Variants in CFAP47 observed in about 807,000 individuals in gnomAD.
The protein encoded by CFAP47 is cilia- and flagella-associated protein 47.
Under a neutral mutation model 148.1 loss-of-function variants are expected in CFAP47, and 29 were observed. The ratio of observed to expected loss-of-function variants is 0.20; its 90% CI spans 0.15 to 0.27. CFAP47 has a LOEUF of 0.27. CFAP47 is among the 10% of genes least tolerant of loss of function. CFAP47 has a pLI of 1.00. For synonymous variants in CFAP47, 664 were observed against 577.3 expected (o/e 1.15, Z -2.15); for missense variants, 1,872 against 1,697.5 (o/e 1.10, Z -1.81).
In CFAP47 at chrX:36,385,264, T is replaced by C; in HGVS notation, c.*258T>C. 1.1e-5 allele frequency: 3 copies of C among 278,625 alleles called. No homozygotes were observed. Among genetic ancestry groups the C allele is most frequent in the Non-Finnish European group, 1.9e-5 (3 of 159,319 alleles). The allele number at this position is 278,625 out of a possible 1,213,427, so 23.0% of individuals were successfully genotyped here. A position where few individuals can be genotyped will look rare whatever the true frequency, so the allele number is the denominator to read the frequency against. On this transcript the variant is annotated 3_prime_UTR_variant, in exon 64 of 64. Transcript: ENST00000378653. ...GTGGTAAAACGAAATATAATTTAAA[T>C]GACAACAGTATTTCCAATAACAGCG... is the stretch of plus-strand genomic sequence containing the variant.
At chrX:36,378,789 C>T (rs925546946) in intron 62 of CFAP47, among the ~76,000 whole-genome samples, 1 of 109,373 alleles carries the variant, frequency 9.1e-6, no homozygotes, top group African/African-American at 3.3e-5. Flanking sequence ...GAACCACCCG[C>T]CTTGGCCTCC....
chrX:36,005,753 T>G (rs1569230488), intron 21 of CFAP47, among the ~76,000 whole-genome samples: 1 of 111,921 alleles, frequency 8.9e-6, no homozygotes. Flanking sequence ...TTTTTTCAAA[T>G]TTGTATTCTT....
intron 25 of CFAP47, 76 bp from the exon 26 acceptor site, chrX:36,046,778 A>G (rs932110689): frequency 7.7e-6 from 5 of 646,027 alleles, no homozygotes; most frequent in Non-Finnish European, 1.1e-5. Flanking sequence ...AGGATTCAAA[A>G]AAATGAAATA....
intron 57 of CFAP47, among the ~76,000 whole-genome samples, chrX:36,321,025 A>T (rs1556011908): frequency 8.9e-6 from 1 of 111,931 alleles, no homozygotes; most frequent in Non-Finnish European, 1.9e-5. Flanking sequence ...TCCCACTGCT[A>T]GGTATATAAC....
At chrX:36,360,935 A>G (rs1556019122) in intron 60 of CFAP47, among the ~76,000 whole-genome samples, 2 of 112,014 alleles carry the variant, frequency 1.8e-5, no homozygotes, top group African/African-American at 6.5e-5. Flanking sequence ...GCAAGTTTTA[A>G]ATGACTTCTT....
At chrX:36,339,403 A>T (rs1209332823) in intron 57 of CFAP47, among the ~76,000 whole-genome samples, 1 of 111,948 alleles carries the variant, frequency 8.9e-6, no homozygotes, top group Non-Finnish European at 1.9e-5. Flanking sequence ...ATTTTATCTT[A>T]AAATTATCTG....
chrX:36,255,334 A>G (rs982211015), intron 49 of CFAP47, among the ~76,000 whole-genome samples: 22 of 112,447 alleles, frequency 2.0e-4, no homozygotes, highest in Non-Finnish European at 3.4e-4. Context: ...TTGTGGGAAA[A>G]AAAGGTAAGA....
At chrX:36,342,987 G>T (rs1024420726) in intron 57 of CFAP47, among the ~76,000 whole-genome samples, 2 of 110,557 alleles carry the variant, frequency 1.8e-5, no homozygotes, top group Non-Finnish European at 3.8e-5. Context: ...GACAGGCCCT[G>T]GTGTGTGATG....
intron 42 of CFAP47, among the ~76,000 whole-genome samples, chrX:36,192,267 A>T (rs1939874027): frequency 9.0e-6 from 1 of 111,317 alleles, no homozygotes; most frequent in African/African-American, 3.3e-5. Flanking sequence ...CGTGCTATCA[A>T]ATGCTACAGA....
At chrX:36,337,624 G>A (rs1311380914) in intron 57 of CFAP47, among the ~76,000 whole-genome samples, 1 of 111,062 alleles carries the variant, frequency 9.0e-6, no homozygotes, top group Non-Finnish European at 1.9e-5. Flanking sequence ...ACTGATATTC[G>A]TCCTATTTTA....
At chrX:36,162,275 C>T (rs779453998) in intron 39 of CFAP47, among the ~76,000 whole-genome samples, 75 of 111,007 alleles carry the variant, frequency 6.8e-4, no homozygotes, top group Non-Finnish European at 1.1e-3. Context: ...TGAATATGTC[C>T]CTCAAACTTA....
rs1556024920 is a variant in CFAP47 at position 36,384,976 on chromosome X, C to CCAAA, written c.9534_9535insCAAA (p.Lys3179GlnfsTer23). On this transcript the variant is annotated frameshift_variant, in exon 64 of 64. Transcript: ENST00000378653. LOFTEE classifies it high-confidence loss of function. ...TAAGAACAGGGGTGTCTTCCACCAT[C>CCAAA]AAGGGTGCTCCTTTGGTGAAGAATC... 8.6e-7 allele frequency: 1 copy of CCAAA among 1,162,896 alleles called. No individual in the cohort carries two copies. Among genetic ancestry groups the CCAAA allele is most frequent in the African/African-American group, 1.8e-5 (1 of 55,724 alleles).
chrX:35,975,493 A>C (rs1601911516), intron 14 of CFAP47, 130 bp downstream of exon 14: 1 of 618,296 alleles, frequency 1.6e-6, no homozygotes, highest in Middle Eastern at 4.8e-4. Flanking sequence ...TATGTGCATC[A>C]ATTTTTAGAT....
At chrX:36,169,534 A>T (rs1939539465) in intron 39 of CFAP47, among the ~76,000 whole-genome samples, 1 of 111,010 alleles carries the variant, frequency 9.0e-6, no homozygotes, top group Non-Finnish European at 1.9e-5. Context: ...TTCTTTTGCC[A>T]TACCAAACCT....
At chrX:36,160,850 C>CTTTTTTTTT (rs147566241) in intron 39 of CFAP47, 81 bp downstream of exon 39, 2 of 135,213 alleles carry the variant, frequency 1.5e-5, no homozygotes, top group Non-Finnish European at 2.6e-5. Context: ...TTCTTTCTTT[C>CTTTTTTTTT]TTTTTTTTTT....
In CFAP47 at chrX:35,919,737, C is replaced by G. The variant is rs772481320; in HGVS notation, c.-63C>G. The G allele has an allele frequency of 8.9e-7, 1 of 1,129,130 alleles. No homozygotes were observed. Among genetic ancestry groups the G allele is most frequent in the Non-Finnish European group, 1.2e-6 (1 of 846,885 alleles). 93.1% of individuals were successfully genotyped at this position (1,129,130 alleles called of 1,213,427 possible). ...CGTCTGATGGTTGCCTAGCGACGGT[C>G]GTCGACGCTAATCCTTGGCCGGACG... On this transcript the variant is annotated 5_prime_UTR_variant, in exon 1 of 64. Transcript: ENST00000378653.
chrX:36,134,372 G>A (rs927522465), intron 33 of CFAP47, among the ~76,000 whole-genome samples: 10 of 111,336 alleles, frequency 9.0e-5, no homozygotes, highest in African/African-American at 2.9e-4. Context: ...TGAAAAGGCG[G>A]AAGAAATTCT....
At chrX:36,293,384 A>G (rs1941211182) in intron 51 of CFAP47, among the ~76,000 whole-genome samples, 1 of 112,519 alleles carries the variant, frequency 8.9e-6, no homozygotes, top group Admixed American at 9.4e-5. Context: ...AAAAGTTTTT[A>G]ACAATTGTAA....
At chrX:36,034,424 G>A (rs998172907) in intron 23 of CFAP47, among the ~76,000 whole-genome samples, 4 of 111,099 alleles carry the variant, frequency 3.6e-5, no homozygotes, top group Non-Finnish European at 5.7e-5. Flanking sequence ...CTTTGGAAGT[G>A]TGTGATCAAT....
Sources: gnomAD v4.1 joint callset for allele counts (sites outside exome capture counted in the v4.1 genomes callset) on GRCh38, gnomAD v4.1.1 for gene constraint, MANE v1.5 for transcripts, NCBI Gene and HGNC (gene_info 2026-07-23, HGNC 2026-07-21) for gene names.